ZNF595: variants seen among roughly 807,000 people sequenced by gnomAD.
The protein encoded by ZNF595 is zinc finger protein 595.
Under a neutral mutation model 19.4 loss-of-function variants are expected in ZNF595, and 9 were observed. The ratio of observed to expected loss-of-function variants is 0.46; its 90% confidence interval spans 0.28 to 0.81. The LOEUF is 0.81. Ranked by LOEUF, ZNF595 falls within the 30% of genes least tolerant of loss-of-function variation. The probability of loss-of-function intolerance (pLI) is 0.11; values close to 1 mark genes in which losing one functional copy is unlikely to be tolerated. For missense variants in ZNF595, 729 were observed against 736.0 expected, an observed-to-expected ratio of 0.99 and a Z score of 0.11; for synonymous variants, 255 against 255.9, an observed-to-expected ratio of 1.00 and a Z score of 0.03.
In ZNF595 at chr4:85,991, CATAAG is replaced by C. The variant is rs782153607; in HGVS notation, c.494_498del (p.Ile165ThrfsTer8). The C allele has an allele frequency of 2.3e-5, 37 of 1,607,794 alleles. 1 individual carries two copies. The highest frequency in any genetic ancestry group is 1.7e-4 in the Middle Eastern group (1 of 6,052). The stretch of plus-strand genomic sequence containing the variant: ...TAGTAAATTTTCAAATTCAAACAAA[CATAAG>C]ATAAGACATACTGGAGAGAAACCCT... On this transcript the variant is annotated frameshift_variant, in exon 4 of 4. Transcript: ENST00000610261. LOFTEE classifies it low-confidence loss of function (END_TRUNC).
intron 3 of ZNF595, among the ~76,000 whole-genome samples, chr4:75,958 C>T (rs1553798647): frequency 6.6e-6 from 1 of 152,122 alleles, no homozygotes. Flanking sequence ...GGTGCATTCA[C>T]AGCTCAGTGC....
chr4:69,497 G>C (rs192047616), intron 3 of ZNF595, among the ~76,000 whole-genome samples: 138 of 152,198 alleles, frequency 9.1e-4, no homozygotes, highest in Admixed American at 1.9e-3. Flanking sequence ...TGATATTGAT[G>C]TGGAGCACCT....
At chr4:61,047 A>T (rs1581322703) in intron 3 of ZNF595, among the ~76,000 whole-genome samples, 1 of 152,264 alleles carries the variant, frequency 6.6e-6, no homozygotes, top group African/African-American at 2.4e-5. Flanking sequence ...TTTGTGAATA[A>T]TTTTTTTGAT....
chr4:61,993 C>T (rs1422669309), intron 3 of ZNF595, among the ~76,000 whole-genome samples: 1 of 135,772 alleles, frequency 7.4e-6, no homozygotes, highest in Non-Finnish European at 1.6e-5. Context: ...TTTATTACCT[C>T]ACATAGATAA....
chr4:75,799 G>A (rs1346044995), intron 3 of ZNF595, among the ~76,000 whole-genome samples: 1 of 149,764 alleles, frequency 6.7e-6, no homozygotes, highest in African/African-American at 2.4e-5. Flanking sequence ...AGATTTTTGG[G>A]GGGTTTTTTG....
At position 86,061 on chromosome 4, in the gene ZNF595, A is replaced by G. The variant is rs1714131533; in HGVS notation, c.557A>G (p.His186Arg). Residue 186 changes from histidine to arginine, a missense_variant, in exon 4 of 4, where the codon CAC becomes CGC. Transcript: ENST00000610261. ...TGTGGCAGATCGTTTTACATGTCAC[A>G]CCTAACTCAACATACAGGAATTCAT... ...TECGRSFYMS[H>R]LTQHTGIHAG... is the part of the protein sequence containing the mutation. The G allele has an allele frequency of 1.2e-6, 2 of 1,612,604 alleles. No homozygotes were observed. Among genetic ancestry groups the G allele is most frequent in the South Asian group, 1.1e-5 (1 of 90,948 alleles).
intron 3 of ZNF595, among the ~76,000 whole-genome samples, chr4:78,990 G>A (rs1713790529): frequency 6.6e-6 from 1 of 152,148 alleles, no homozygotes; most frequent in African/African-American, 2.4e-5. Flanking sequence ...ACCACCCCCG[G>A]CCAACATTTT....
chr4:84,074 T>TTA (rs1553800607), intron 3 of ZNF595, among the ~76,000 whole-genome samples: 1 of 152,186 alleles, frequency 6.6e-6, no homozygotes, highest in East Asian at 1.9e-4. Context: ...AACTGGTTAT[T>TTA]TCAGTTGCGT....
At chr4:79,777 T>C (rs1348166283) in intron 3 of ZNF595, among the ~76,000 whole-genome samples, 1 of 151,872 alleles carries the variant, frequency 6.6e-6, no homozygotes, top group Non-Finnish European at 1.5e-5. Context: ...TTTCATTTCT[T>C]TGAAAAAAGT....
intron 3 of ZNF595, among the ~76,000 whole-genome samples, chr4:61,171 T>C (rs1712845213): frequency 6.6e-6 from 1 of 152,298 alleles, no homozygotes; most frequent in African/African-American, 2.4e-5. Flanking sequence ...TTTTTTTTTT[T>C]GAGACGGAGT....
At chr4:63,176 C>CTG (rs1263504036) in intron 3 of ZNF595, among the ~76,000 whole-genome samples, 2 of 143,746 alleles carry the variant, frequency 1.4e-5, no homozygotes, top group Non-Finnish European at 3.0e-5. Context: ...GTTTTTGTAT[C>CTG]TGTTTTTATG....
chr4:66,863 C>T (rs1419933140), intron 3 of ZNF595, among the ~76,000 whole-genome samples: 1 of 151,740 alleles, frequency 6.6e-6, no homozygotes, highest in Non-Finnish European at 1.5e-5. Context: ...AAACAGGAAA[C>T]GTTGTGCATG....
intron 3 of ZNF595, among the ~76,000 whole-genome samples, chr4:76,260 G>C (rs1478059397): frequency 1.3e-5 from 2 of 152,028 alleles, no homozygotes; most frequent in African/African-American, 4.8e-5. Context: ...TAGAGACACG[G>C]TCCTGCTATA....
At chr4:84,606 A>G (rs1714057134) in intron 3 of ZNF595, among the ~76,000 whole-genome samples, 1 of 152,198 alleles carries the variant, frequency 6.6e-6, no homozygotes, top group South Asian at 2.1e-4. Flanking sequence ...CATCACTTTT[A>G]TCTTGCAACT....
intron 3 of ZNF595, among the ~76,000 whole-genome samples, chr4:81,376 A>G: frequency 6.6e-6 from 1 of 152,156 alleles, no homozygotes; most frequent in East Asian, 1.9e-4. Context: ...GTTTGTATAC[A>G]ATGGTGATTT....
chr4:82,983 T>C (rs1553800318), intron 3 of ZNF595, among the ~76,000 whole-genome samples: 1 of 152,166 alleles, frequency 6.6e-6, no homozygotes, highest in African/African-American at 2.4e-5. Context: ...ACTATAATTA[T>C]ATTGCTCTCT....
chr4:81,418 C>A (rs113608164), intron 3 of ZNF595, among the ~76,000 whole-genome samples: 26 of 152,078 alleles, frequency 1.7e-4, no homozygotes, highest in Non-Finnish European at 3.7e-4. Flanking sequence ...CATTGAAATT[C>A]TTCTGATTTT....
At chr4:83,678 T>G (rs1220812620) in intron 3 of ZNF595, among the ~76,000 whole-genome samples, 1 of 150,940 alleles carries the variant, frequency 6.6e-6, no homozygotes, top group African/African-American at 2.4e-5. Context: ...TTGTATCTTG[T>G]TTTTTGATTT....
rs1553801515 is a variant in ZNF595 at position 86,409 on chromosome 4, A to G, written c.905A>G (p.His302Arg). ...AGATGGTCCACAAGCCTGAATGAAC[A>G]TAAGAATATTCATACTGGAGAGAAA... Reference protein sequence around the residue: ...AFRWSTSLNEHKNIHTGEKPY... With the variant: ...AFRWSTSLNERKNIHTGEKPY... Residue 302 changes from histidine (H) to arginine (R), a missense_variant, in exon 4 of 4, where the codon CAT becomes CGT. This residue lies in a region of ZNF595 where 729 missense variants were observed against 675.3 expected (regional missense o/e 1.08). Coordinates refer to ENST00000610261, the MANE Select transcript of ZNF595 (RefSeq NM_182524.4). 2 of 1,613,594 alleles carry G rather than the reference A, an allele frequency of 1.2e-6. No homozygotes were observed.
Sources: allele counts gnomAD v4.1 joint callset (sites outside exome capture counted in the v4.1 genomes callset), GRCh38; gene constraint gnomAD v4.1.1; regional missense constraint gnomAD v4.1.1; transcripts MANE v1.5; gene names NCBI Gene and HGNC (gene_info 2026-07-23, HGNC 2026-07-21).